Variants in PCNT observed in about 807,000 individuals in gnomAD.
PCNT encodes pericentrin, also known as kendrin.
Under a neutral mutation model 380.4 loss-of-function variants are expected in PCNT, and 319 were observed. That is an observed-to-expected ratio of 0.84 (90% confidence interval 0.77 to 0.92). The LOEUF is 0.92. Ranked by LOEUF, PCNT falls within the 40% of genes least tolerant of loss-of-function variation. The pLI is 0.00. For missense variants in PCNT, 4,400 were observed against 4,255.3 expected, an observed-to-expected ratio of 1.03 and a Z score of -0.95; for synonymous variants, 1,845 against 1,735.2, an observed-to-expected ratio of 1.06 and a Z score of -1.57.
rs958648947 is a variant in PCNT at position 46,357,306 on chromosome 21, C to G, written c.2154+115C>G. On this transcript the variant is annotated intron_variant, in intron 13 of 46. Coordinates refer to ENST00000359568, the MANE Select transcript of PCNT (RefSeq NM_006031.6). ...ATCCTGGGGACAGCCCAGTGCTGTA[C>G]ATGGCACATTTGTAAGGGCGACAGT... The G allele has an allele frequency of 3.7e-6, 3 of 801,976 alleles. No individual in the cohort carries two copies. The East Asian group carries it at 7.3e-5, about 20-fold the overall frequency. 49.7% of individuals were successfully genotyped at this position (801,976 alleles called of 1,614,324 possible). A position where few individuals can be genotyped will look rare whatever the true frequency, so the allele number is the denominator to read the frequency against.
intron 24 of PCNT, among the ~76,000 whole-genome samples, chr21:46,398,820 CTTTTTTTTTTTTTTTTT>C (rs2086298271): frequency 8.7e-6 from 1 of 114,560 alleles, no homozygotes; most frequent in Non-Finnish European, 1.8e-5. Flanking sequence ...TTTTCTTTTT[CTTTTTTTTTTTTTTTTT>C]GAGTTGGAGT....
chr21:46,353,128 G>T lies in PCNT; in HGVS notation c.1481G>T (p.Arg494Leu). ...GAGCTACATGAGCAACTCCTGGCGC[G>T]CACCTCTCGTGTGGAAGATTTAGAA... is the stretch of plus-strand genomic sequence containing the variant. ...LSELHEQLLA[R>L]TSRVEDLEQL... Residue 494 changes from arginine to leucine, a missense_variant, in exon 10 of 47, where the codon CGC becomes CTC. Coordinates refer to ENST00000359568, the MANE Select transcript of PCNT (RefSeq NM_006031.6). 1.2e-6 allele frequency: 2 copies of T among 1,613,988 alleles called. No individual in the cohort carries two copies. The highest frequency in any genetic ancestry group is 1.7e-6 in the Non-Finnish European group (2 of 1,180,002).
At chr21:46,385,648 T>C (rs947849552) in intron 16 of PCNT, among the ~76,000 whole-genome samples, 184 bp from the exon 17 acceptor site, 2 of 152,244 alleles carry the variant, frequency 1.3e-5, no homozygotes, top group African/African-American at 4.8e-5. Flanking sequence ...CTTTGACCAC[T>C]GTCAGTGGAA....
Position 46,356,932 on chromosome 21 carries a change from C to T in PCNT, c.1937-42C>T, listed in dbSNP as rs201668274. The stretch of plus-strand genomic sequence containing the variant: ...GCGGACTGTGGGCTCCATCGAGGGC[C>T]GGCACCGGCCTGACTGTCTTCCCTG... On this transcript the variant is annotated intron_variant, in intron 12 of 46. Coordinates refer to ENST00000359568, the MANE Select transcript of PCNT (RefSeq NM_006031.6). The T allele has an allele frequency of 1.5e-3, 2,429 of 1,576,162 alleles. 4 individuals carry two copies. Among genetic ancestry groups the T allele is most frequent in the Non-Finnish European group, 1.9e-3 (2,173 of 1,146,852 alleles).
Position 46,437,678 on chromosome 21 carries a change from G to A in PCNT, c.9100-486G>A, listed in dbSNP as rs147037612. Reference sequence around the variant, plus strand: ...CATTTATGAAATCATGACTTTGATCGTGGAGCCCACGCATGTGAGGTGCAG... The same window carrying A: ...CATTTATGAAATCATGACTTTGATCATGGAGCCCACGCATGTGAGGTGCAG... On this transcript the variant is annotated intron_variant, in intron 40 of 46. Transcript: ENST00000359568. Among the ~76,000 whole-genome samples the A allele has an allele frequency of 7.4e-3, 1,128 of 152,278 alleles. 20 individuals are homozygous for A. The highest frequency in any genetic ancestry group is 0.026 in the African/African-American group (1,076 of 41,552).
chr21:46,372,208 CAT>C (rs1173275933), intron 15 of PCNT, among the ~76,000 whole-genome samples: 1 of 151,102 alleles, frequency 6.6e-6, no homozygotes, highest in Non-Finnish European at 1.5e-5. Context: ...ACAGAGAGCA[CAT>C]GCACACAGCA....
At position 46,363,492 on chromosome 21, in the gene PCNT, C is replaced by T; in HGVS notation, c.2167C>T (p.Leu723=). The stretch of plus-strand genomic sequence containing the variant: ...ATGTTGTCTGTAGGTAAAACACAAT[C>T]TAATTGAAGACCACCAGAAGGAACT... ...KDDLEKVKHN[L]IEDHQKELNN... The change falls in exon 14 of 47, where the codon CTA becomes TTA. Residue 723 remains leucine (L), a synonymous_variant. Transcript: ENST00000359568. 1 of 1,611,664 alleles carries T rather than the reference C, an allele frequency of 6.2e-7. No individual in the cohort carries two copies. Among genetic ancestry groups the T allele is most frequent in the South Asian group, 1.1e-5 (1 of 90,994 alleles).
Position 46,326,601 on chromosome 21 carries a change from C to A in PCNT, c.267+12C>A. 2 of 1,610,006 alleles carry A rather than the reference C, an allele frequency of 1.2e-6. No homozygotes were observed. The highest frequency in any genetic ancestry group is 2.2e-5 in the South Asian group (2 of 90,960). On this transcript the variant is annotated intron_variant, in intron 2 of 46. Coordinates refer to ENST00000359568, the MANE Select transcript of PCNT (RefSeq NM_006031.6). ...CCTTTGCAGCTCAGGTAGATTTGCT[C>A]AATGTTGTATTTGAACATTTCGCTT...
chr21:46,397,718 T>C (rs1020569805), intron 22 of PCNT, among the ~76,000 whole-genome samples: 1 of 152,162 alleles, frequency 6.6e-6, no homozygotes, highest in Non-Finnish European at 1.5e-5. Flanking sequence ...CTTGCCATGC[T>C]CCTTCTCACA....
Position 46,398,145 on chromosome 21 carries a change from CGTGCAGT to C in PCNT, c.4563+17_4563+23del, listed in dbSNP as rs781279086. Reference sequence around the variant, plus strand: ...GCGACAGCCAGGTGAGTCAGTGCAGCGTGCAGTGCTGCTGGTTGCTGTCTTTCACTGT... The same window carrying C: ...GCGACAGCCAGGTGAGTCAGTGCAGCGCTGCTGGTTGCTGTCTTTCACTGT... On this transcript the variant is annotated intron_variant, in intron 23 of 46. Transcript: ENST00000359568. 6.2e-7 allele frequency: 1 copy of C among 1,604,648 alleles called. No homozygotes were observed. Among genetic ancestry groups the C allele is most frequent in the South Asian group, 1.1e-5 (1 of 90,150 alleles).
At position 46,356,124 on chromosome 21, in the gene PCNT, A is replaced by T. The variant is rs191650199; in HGVS notation, c.1936+498A>T. ...GCAGTCATCCCAGAGTCGCGGTCCC[A>T]TGGCGCCGGACAGTGGCCACTGACG... On this transcript the variant is annotated intron_variant, in intron 12 of 46. Transcript: ENST00000359568. 2.5e-3 allele frequency among the ~76,000 whole-genome samples: 385 copies of T among 152,318 alleles called. 1 individual carries two copies. The highest frequency in any genetic ancestry group is 4.1e-3 in the Non-Finnish European group (277 of 68,022).
chr21:46,436,788 C>A lies in PCNT; in HGVS notation c.8997-191C>A, dbSNP rs1044052194. Reference sequence around the variant, plus strand: ...CCCGGCTGGAGGTTTCTGAGCTCTGCAGAAGCGTCCAGCCACAGGCCTGTT... The same window carrying A: ...CCCGGCTGGAGGTTTCTGAGCTCTGAAGAAGCGTCCAGCCACAGGCCTGTT... On this transcript the variant is annotated intron_variant, in intron 39 of 46. Transcript: ENST00000359568. 7.2e-5 allele frequency among the ~76,000 whole-genome samples: 11 copies of A among 152,258 alleles called. No homozygotes were observed. In the East Asian group the frequency reaches 1.7e-3, roughly 24 times the overall value.
Position 46,402,462 on chromosome 21 carries a change from G to A in PCNT, c.5094G>A (p.Glu1698=). Residue 1698 remains glutamate, a synonymous_variant, in exon 27 of 47, where the codon GAG becomes GAA. Transcript: ENST00000359568. ...CTGCTGTCAGCCTCAGAGAACTTGAGGAAGAGAACACGAGCTTGAAGGTAA... is the reference window on the plus strand; with the variant it reads ...CTGCTGTCAGCCTCAGAGAACTTGAAGAAGAGAACACGAGCTTGAAGGTAA... ...SQTAVSLREL[E]EENTSLKVIY... is the part of the protein sequence containing the mutation. 1 of 1,614,110 alleles carries A rather than the reference G, an allele frequency of 6.2e-7. No homozygotes were observed. The highest frequency in any genetic ancestry group is 8.5e-7 in the Non-Finnish European group (1 of 1,180,004).
intron 3 of PCNT, among the ~76,000 whole-genome samples, chr21:46,337,347 T>C (rs890946889): frequency 6.6e-6 from 1 of 152,210 alleles, no homozygotes; most frequent in African/African-American, 2.4e-5. Flanking sequence ...ACCCACATCA[T>C]ATAAGAAACA....
At chr21:46,406,611 A>G (rs1376300255) in intron 27 of PCNT, among the ~76,000 whole-genome samples, 1 of 152,176 alleles carries the variant, frequency 6.6e-6, no homozygotes, top group African/African-American at 2.4e-5. Flanking sequence ...TTTTATTACA[A>G]TGTCTAGCAC....
chr21:46,400,340 G>C (rs1296515835), intron 25 of PCNT, among the ~76,000 whole-genome samples: 1 of 152,164 alleles, frequency 6.6e-6, no homozygotes, highest in Admixed American at 6.5e-5. Flanking sequence ...CTGCATTTCT[G>C]GGTAGCGGCT....
At chr21:46,385,661 C>T (rs749604221) in intron 16 of PCNT, among the ~76,000 whole-genome samples, 171 bp from the exon 17 acceptor site, 1 of 152,192 alleles carries the variant, frequency 6.6e-6, no homozygotes, top group Non-Finnish European at 1.5e-5. Flanking sequence ...CAGTGGAAGG[C>T]GTTGTGAGTC....
rs778657553 is a variant in PCNT at position 46,411,201 on chromosome 21, A to T, written c.5128A>T (p.Arg1710Ter). Residue 1710 changes from arginine (R) to a stop codon, truncating the protein, a stop_gained, in exon 28 of 47, where the codon AGA (arginine) becomes TGA (stop). Transcript: ENST00000359568. LOFTEE classifies it high-confidence loss of function. ...ENTSLKVIYT[R>*]SSEIEELKAT... is the part of the protein sequence containing the mutation. ...CCTCTCTCTTCAGGTCATATATACC[A>T]GAAGTTCTGAGATTGAAGAGCTGAA... is the stretch of plus-strand genomic sequence containing the variant. The T allele has an allele frequency of 2.5e-6, 4 of 1,613,842 alleles. No homozygotes were observed. The South Asian group carries it at 4.4e-5, about 18-fold the overall frequency.
rs1029301020 is a variant in PCNT at position 46,388,664 on chromosome 21, C to T, written c.3465-78C>T. On this transcript the variant is annotated intron_variant, in intron 17 of 46. Coordinates refer to ENST00000359568, the MANE Select transcript of PCNT (RefSeq NM_006031.6). This position sits in a 1 kb window ranked among gnomAD's most constrained non-coding sequence, Gnocchi z 4.2. ...GGGCCGAGGTGTGCAAACTGGTGGG[C>T]GGCCCCTCAGCAGCATCCAGGGTGG... 17 of 1,571,132 alleles carry T rather than the reference C, an allele frequency of 1.1e-5. No individual in the cohort carries two copies. Among genetic ancestry groups the T allele is most frequent in the African/African-American group, 4.0e-5 (3 of 74,258 alleles).
Sources: allele counts gnomAD v4.1 joint callset (sites outside exome capture counted in the v4.1 genomes callset), GRCh38; gene constraint gnomAD v4.1.1; non-coding constraint Gnocchi (gnomAD v3.1); transcripts MANE v1.5; gene names NCBI Gene and HGNC (gene_info 2026-07-23, HGNC 2026-07-21).